LAMA4: variants seen among roughly 807,000 people sequenced by gnomAD.
LAMA4 encodes the protein laminin subunit alpha-4.
Under a neutral mutation model 207.1 loss-of-function variants are expected in LAMA4, and 127 were observed. That is an observed-to-expected ratio of 0.61 (90% CI 0.53 to 0.71). The LOEUF is 0.71. LAMA4 is among the 30% of genes least tolerant of loss of function. LAMA4 has a pLI of 0.00. For synonymous variants in LAMA4, 761 were observed against 816.0 expected (o/e 0.93, Z 1.15); for missense variants, 2,093 against 2,246.5 (o/e 0.93, Z 1.38).
rs1780858011 is a variant in LAMA4 at position 112,158,523 on chromosome 6, A to G, written c.1817+209T>C. ...CCCCAAACAATTGCAATGAACAATG[A>G]TGGACTCTCAGATGGAACAACCAAC... On this transcript the variant is annotated intron_variant, in intron 14 of 38. Transcript: ENST00000230538. 2.0e-5 allele frequency among the ~76,000 whole-genome samples: 3 copies of G among 151,658 alleles called. No homozygotes were observed. The South Asian group carries it at 6.3e-4, about 32-fold the overall frequency.
intron 5 of LAMA4, among the ~76,000 whole-genome samples, chr6:112,194,873 A>G (rs1262011343): frequency 6.6e-6 from 1 of 152,152 alleles, no homozygotes. Context: ...TTTCTAGTCT[A>G]TTAATGACTT....
rs1348506443 is a variant in LAMA4 at position 112,235,367 on chromosome 6, T to C, written c.195+18589A>G. The stretch of plus-strand genomic sequence containing the variant: ...GACTAGGGTGATTTCCCTGTGACAT[T>C]AACAGTAGAAAAATTCTACATATAA... On this transcript the variant is annotated intron_variant, in intron 2 of 38. Transcript: ENST00000230538. Among the ~76,000 whole-genome samples, 5 of 152,202 alleles carry C rather than the reference T, an allele frequency of 3.3e-5. No individual in the cohort carries two copies. The East Asian group carries it at 9.6e-4, about 29-fold the overall frequency.
chr6:112,155,245 A>G lies in LAMA4; in HGVS notation c.1960-298T>C, dbSNP rs1780636060. On this transcript the variant is annotated intron_variant, in intron 15 of 38. Transcript: ENST00000230538. ...ACACAATAAATAATTTTGAGTTGAA[A>G]AAAATATAAATGAATGCATAAAGTA... 12 of 563,156 alleles carry G rather than the reference A, an allele frequency of 2.1e-5. No individual in the cohort carries two copies. The South Asian group carries it at 2.6e-4, about 12-fold the overall frequency. 34.9% of individuals were successfully genotyped at this position (563,156 alleles called of 1,614,324 possible).
intron 19 of LAMA4, among the ~76,000 whole-genome samples, chr6:112,142,494 A>AC (rs1205889708): frequency 6.6e-6 from 1 of 151,718 alleles, no homozygotes; most frequent in African/African-American, 2.4e-5. Flanking sequence ...AAAGAAAGCA[A>AC]AAAAAAAGTG....
At chr6:112,166,548 G>T (rs375179525) in intron 12 of LAMA4, 25 of 153,720 alleles carry the variant, frequency 1.6e-4, no homozygotes, top group African/African-American at 5.5e-4. Context: ...CCTTCTGTAA[G>T]TTCTCTCTGG....
chr6:112,132,746 C>A lies in LAMA4; in HGVS notation c.3834+7G>T. ...AGAAGTTTCCTCAGAGAAAAACAAA[C>A]ACTTACCCCTGAAGCATAATAGAAT... is the stretch of plus-strand genomic sequence containing the variant. On this transcript the variant is annotated splice_region_variant and intron_variant, in intron 28 of 38. Coordinates refer to ENST00000230538, the MANE Select transcript of LAMA4 (RefSeq NM_001105206.3). 6.2e-7 allele frequency: 1 copy of A among 1,612,170 alleles called. No homozygotes were observed. The highest frequency in any genetic ancestry group is 1.1e-5 in the South Asian group (1 of 91,010).
intron 13 of LAMA4, 29 bp from the exon 14 acceptor site, chr6:112,158,909 T>C: frequency 1.4e-6 from 2 of 1,476,696 alleles, no homozygotes; most frequent in Non-Finnish European, 1.9e-6. Context: ...ATAAATACAT[T>C]GAATTTAGAA....
At chr6:112,111,236 G>A (rs1005889660) in intron 38 of LAMA4, among the ~76,000 whole-genome samples, 1 of 152,058 alleles carries the variant, frequency 6.6e-6, no homozygotes, top group East Asian at 1.9e-4. Context: ...TAGAGATGGG[G>A]TTTTGCCATG....
intron 19 of LAMA4, among the ~76,000 whole-genome samples, chr6:112,144,560 C>T (rs1779899898): frequency 6.6e-6 from 1 of 152,220 alleles, no homozygotes; most frequent in African/African-American, 2.4e-5. Flanking sequence ...AAAGAACATA[C>T]AGGTACTGAG....
chr6:112,139,664 T>G, intron 23 of LAMA4, 88 bp downstream of exon 23: 2 of 1,524,922 alleles, frequency 1.3e-6, no homozygotes, highest in Non-Finnish European at 1.8e-6. Context: ...AAAGAAAAGT[T>G]TGAGAACCTG....
In LAMA4 at chr6:112,132,845, T is replaced by C. The variant is rs547323858; in HGVS notation, c.3742A>G (p.Ile1248Val). Residue 1248 changes from isoleucine (I) to valine (V), a missense_variant, in exon 28 of 39, where the codon ATT (isoleucine) becomes GTT (valine). Physicochemically the swap from Ile to Val is conservative, Grantham distance 29. Transcript: ENST00000230538. ...YFNGQSFIAS[I>V]QKISFFDGFE... The stretch of plus-strand genomic sequence containing the variant: ...CCATCAAAGAAAGATATTTTCTGAA[T>C]TGAAGCAATGAAGCTCTGTCCATTG... 64 of 1,612,934 alleles carry C rather than the reference T, an allele frequency of 4.0e-5. No homozygotes were observed. The South Asian group carries it at 6.1e-4, about 15-fold the overall frequency.
chr6:112,225,826 A>T (rs376915434), intron 2 of LAMA4, among the ~76,000 whole-genome samples: 1 of 152,244 alleles, frequency 6.6e-6, no homozygotes, highest in East Asian at 1.9e-4. Flanking sequence ...CTTAAACAAC[A>T]AAAGAGTTCT....
chr6:112,223,942 T>C (rs1463655993), intron 2 of LAMA4, among the ~76,000 whole-genome samples: 1 of 152,214 alleles, frequency 6.6e-6, no homozygotes, highest in Non-Finnish European at 1.5e-5. Context: ...CATACTGTCT[T>C]TTTTTTCTAA....
At chr6:112,180,571 A>G (rs1422580972) in intron 9 of LAMA4, among the ~76,000 whole-genome samples, 2 of 152,236 alleles carry the variant, frequency 1.3e-5, no homozygotes, top group Non-Finnish European at 2.9e-5. Flanking sequence ...TTTACATTAC[A>G]AATGTATTAG....
At chr6:112,235,799 A>G (rs577314322) in intron 2 of LAMA4, among the ~76,000 whole-genome samples, 1 of 152,306 alleles carries the variant, frequency 6.6e-6, no homozygotes, top group East Asian at 1.9e-4. Flanking sequence ...TTCTAAGTAT[A>G]GGTGCTGAGA....
At chr6:112,221,367 C>T (rs879983788) in intron 2 of LAMA4, among the ~76,000 whole-genome samples, 4 of 152,182 alleles carry the variant, frequency 2.6e-5, no homozygotes, top group Admixed American at 6.5e-5. Context: ...ACTCATCTTC[C>T]TTTCTGAATT....
chr6:112,178,412 T>C, intron 9 of LAMA4, 180 bp from the exon 10 acceptor site: 1 of 604,486 alleles, frequency 1.7e-6, no homozygotes, highest in Admixed American at 2.9e-5. Flanking sequence ...TGATGGCCAG[T>C]TTTACTTTTA....
In LAMA4 at chr6:112,139,119, C is replaced by A. The variant is rs782654876; in HGVS notation, c.3282+1G>T. 6.2e-7 allele frequency: 1 copy of A among 1,613,938 alleles called. No individual in the cohort carries two copies. The highest frequency in any genetic ancestry group is 1.1e-5 in the South Asian group (1 of 91,080). On this transcript the variant is annotated splice_donor_variant, in intron 24 of 38. Transcript: ENST00000230538. LOFTEE classifies it high-confidence loss of function. Reference sequence around the variant, plus strand: ...GTAGTAGGACTTGTATTTTTACTCACTCCATTGACCATCAGGAGAATAAGG... The same window carrying A: ...GTAGTAGGACTTGTATTTTTACTCAATCCATTGACCATCAGGAGAATAAGG...
chr6:112,226,023 A>G (rs1427360471), intron 2 of LAMA4, among the ~76,000 whole-genome samples: 2 of 152,082 alleles, frequency 1.3e-5, no homozygotes, highest in African/African-American at 4.8e-5. Flanking sequence ...GCTGCCTTGT[A>G]GAGTTTATGC....
Sources: allele counts gnomAD v4.1 joint callset (sites outside exome capture counted in the v4.1 genomes callset), GRCh38; gene constraint gnomAD v4.1.1; transcripts MANE v1.5; gene names NCBI Gene and HGNC (gene_info 2026-07-23, HGNC 2026-07-21).